KPNA3: variants seen among roughly 807,000 people sequenced by gnomAD.
KPNA3 encodes importin subunit alpha-4.
KPNA3 carries 13 observed loss-of-function variants against 73.8 expected under a neutral mutation model. The ratio of observed to expected loss-of-function variants is 0.18; its 90% CI spans 0.11 to 0.28. The LOEUF is 0.28. Among genes scored for constraint, KPNA3 ranks in the 10% least tolerant of loss-of-function variants. The pLI is 1.00. For synonymous variants in KPNA3, 186 were observed against 206.9 expected, an observed-to-expected ratio of 0.90 and a Z score of 0.87; for missense variants, 360 against 618.1, an observed-to-expected ratio of 0.58 and a Z score of 4.43.
chr13:49,720,545 C>A (rs887579558), intron 9 of KPNA3, among the ~76,000 whole-genome samples: 5 of 151,908 alleles, frequency 3.3e-5, no homozygotes, highest in African/African-American at 9.7e-5. Context: ...CTGCTTGATG[C>A]CAGGAGTTCA....
At chr13:49,717,997 T>C (rs1358325424) in intron 10 of KPNA3, among the ~76,000 whole-genome samples, 1 of 152,220 alleles carries the variant, frequency 6.6e-6, no homozygotes, top group African/African-American at 2.4e-5. Flanking sequence ...GTATGATTTT[T>C]TTTTTCACTG....
intron 2 of KPNA3, among the ~76,000 whole-genome samples, chr13:49,741,455 CCT>C: frequency 6.7e-6 from 1 of 148,348 alleles, no homozygotes; most frequent in African/African-American, 2.5e-5. Flanking sequence ...GCTCTTTTGC[CCT>C]TTTTTTTTTT....
At chr13:49,721,628 G>GCTAACCCCGTCTGTA (rs1400394299) in intron 9 of KPNA3, among the ~76,000 whole-genome samples, 1 of 152,104 alleles carries the variant, frequency 6.6e-6, no homozygotes, top group Non-Finnish European at 1.5e-5. Flanking sequence ...GACCATCCTG[G>GCTAACCCCGTCTGTA]CTAACATGGT....
chr13:49,780,288 T>A (rs1040907770), intron 1 of KPNA3, among the ~76,000 whole-genome samples: 1 of 152,116 alleles, frequency 6.6e-6, no homozygotes, highest in African/African-American at 2.4e-5. Flanking sequence ...GGTGAATAGC[T>A]GCAATACAAG....
In KPNA3 at chr13:49,732,395, A is replaced by C; in HGVS notation, c.359T>G (p.Val120Gly). 3 of 1,581,570 alleles carry C rather than the reference A, an allele frequency of 1.9e-6. No individual in the cohort carries two copies. The highest frequency in any genetic ancestry group is 2.6e-6 in the Non-Finnish European group (3 of 1,154,458). The change falls in exon 6 of 17, where the codon GTC becomes GGC. Residue 120 changes from valine (V) to glycine (G), a missense_variant. Transcript: ENST00000261667. ...LIKSGILPIL[V>G]KCLERDDNPS... is the part of the protein sequence containing the mutation. ...CTTATCATCCCTTTCTAGACATTTGACTAGAATTGGTAAAATCCCAGATTT... is the reference window on the plus strand; with the variant it reads ...CTTATCATCCCTTTCTAGACATTTGCCTAGAATTGGTAAAATCCCAGATTT...
intron 6 of KPNA3, among the ~76,000 whole-genome samples, chr13:49,726,249 A>G (rs977457111): frequency 3.5e-4 from 53 of 152,212 alleles, no homozygotes; most frequent in Admixed American, 5.2e-4. Flanking sequence ...CATCTGCTTT[A>G]CATACTAGGG....
chr13:49,788,590 G>A (rs1372904256), intron 1 of KPNA3, among the ~76,000 whole-genome samples: 1 of 152,078 alleles, frequency 6.6e-6, no homozygotes, highest in Non-Finnish European at 1.5e-5. Flanking sequence ...GTGGTGGCAT[G>A]TGCCTGTAGT....
intron 11 of KPNA3, among the ~76,000 whole-genome samples, chr13:49,710,259 C>G (rs1381282343): frequency 6.6e-6 from 1 of 152,166 alleles, no homozygotes; most frequent in African/African-American, 2.4e-5. Context: ...AAGACTCCAT[C>G]TCAAAAATAT....
At chr13:49,790,677 T>C (rs1336306979) in intron 1 of KPNA3, among the ~76,000 whole-genome samples, 1 of 152,248 alleles carries the variant, frequency 6.6e-6, no homozygotes, top group African/African-American at 2.4e-5. Context: ...AACCATGCTC[T>C]TTTTCATGCA....
chr13:49,749,530 C>T (rs1450192006), intron 1 of KPNA3, among the ~76,000 whole-genome samples: 1 of 152,128 alleles, frequency 6.6e-6, no homozygotes, highest in Admixed American at 6.5e-5. Flanking sequence ...TGTGTTCCAT[C>T]CCTTCTTAGA....
intron 2 of KPNA3, among the ~76,000 whole-genome samples, chr13:49,733,357 A>G (rs919678785): frequency 7.1e-6 from 1 of 141,794 alleles, no homozygotes; most frequent in Non-Finnish European, 1.5e-5. Context: ...GCACAATCTC[A>G]GCTCACTTCC....
intron 1 of KPNA3, 89 bp from the exon 2 acceptor site, chr13:49,747,082 C>CT (rs1156393278): frequency 3.2e-6 from 3 of 930,936 alleles, no homozygotes; most frequent in East Asian, 2.6e-5. Context: ...TGGCTCATGC[C>CT]TATAATCCTA....
At chr13:49,771,292 T>C (rs1193897983) in intron 1 of KPNA3, among the ~76,000 whole-genome samples, 4 of 152,204 alleles carry the variant, frequency 2.6e-5, no homozygotes, top group Non-Finnish European at 4.4e-5. Context: ...ACATGAAATA[T>C]ATTTCCATTT....
chr13:49,753,026 C>CAAAAA (rs71078888), intron 1 of KPNA3, among the ~76,000 whole-genome samples: 9 of 82,204 alleles, frequency 1.1e-4, no homozygotes, highest in South Asian at 5.8e-4. Context: ...GACTCTGTCT[C>CAAAAA]AAAAAAAAAA....
rs551649563 is a variant in KPNA3, at chr13:49,730,943, A to AT, written c.383+1427dup. Reference sequence around the variant, plus strand: ...ATGCGCCTGCCACCACGCCCGGCTGATTTTTTTTAATATTTTTTAATAGAG... The same window carrying AT: ...ATGCGCCTGCCACCACGCCCGGCTGATTTTTTTTTAATATTTTTTAATAGAG... On this transcript the variant is annotated intron_variant, in intron 6 of 16. Transcript: ENST00000261667. Among the ~76,000 whole-genome samples, 36 of 150,730 alleles carry AT rather than the reference A, an allele frequency of 2.4e-4. No homozygotes were observed. In the South Asian group the frequency reaches 4.4e-3, roughly 19 times the overall value.
chr13:49,709,529 GAC>G, intron 12 of KPNA3, 41 bp downstream of exon 12: 10 of 1,496,760 alleles, frequency 6.7e-6, no homozygotes, highest in Non-Finnish European at 9.1e-6. Context: ...TTAAAAATGA[GAC>G]ACAGAAAGAA....
rs1955033204 is a variant in KPNA3 at position 49,791,576 on chromosome 13, T to C, written c.69+862A>G. On this transcript the variant is annotated intron_variant, in intron 1 of 16. Transcript: ENST00000261667. Reference sequence around the variant, plus strand: ...TTCTACTAGCTTGGAGCAAGAGGTATGTAAGAGAATTATGAACCTGTGTAT... The same window carrying C: ...TTCTACTAGCTTGGAGCAAGAGGTACGTAAGAGAATTATGAACCTGTGTAT... Among the ~76,000 whole-genome samples, 3 of 152,320 alleles carry C rather than the reference T, an allele frequency of 2.0e-5. No homozygotes were observed. The South Asian group carries it at 6.2e-4, about 32-fold the overall frequency.
At chr13:49,754,932 T>C (rs1042417283) in intron 1 of KPNA3, among the ~76,000 whole-genome samples, 11 of 152,154 alleles carry the variant, frequency 7.2e-5, no homozygotes, top group Non-Finnish European at 1.3e-4. Context: ...TAGAGAATTC[T>C]TCCAAATGCC....
chr13:49,725,566 G>A, intron 6 of KPNA3, 65 bp from the exon 7 acceptor site: 1 of 1,010,312 alleles, frequency 9.9e-7, no homozygotes, highest in Non-Finnish European at 1.5e-6. Flanking sequence ...TGAATCTTAA[G>A]ACTGATAAGA....
Sources: allele counts gnomAD v4.1 joint callset (sites outside exome capture counted in the v4.1 genomes callset), GRCh38; gene constraint gnomAD v4.1.1; transcripts MANE v1.5; gene names NCBI Gene and HGNC (gene_info 2026-07-23, HGNC 2026-07-21).